Variants in CRTAC1 observed in about 807,000 individuals in gnomAD.
The protein encoded by CRTAC1 is cartilage acidic protein 1, also known as acidic secreted protein in cartilage.
Under a neutral mutation model 67.8 loss-of-function variants are expected in CRTAC1, and 37 were observed. The ratio of observed to expected loss-of-function variants is 0.55; its 90% CI spans 0.42 to 0.72. The LOEUF (loss-of-function observed/expected upper bound fraction) is 0.72. Ranked by LOEUF, CRTAC1 falls within the 30% of genes least tolerant of loss-of-function variation. The pLI is 0.00. For synonymous variants in CRTAC1, 348 were observed against 371.0 expected (o/e 0.94, Z 0.71); for missense variants, 780 against 931.6 (o/e 0.84, Z 2.12).
intron 2 of CRTAC1, among the ~76,000 whole-genome samples, chr10:97,987,530 G>A (rs1449913318): frequency 6.6e-6 from 1 of 152,248 alleles, no homozygotes; most frequent in African/African-American, 2.4e-5. Flanking sequence ...GGGCAACCAA[G>A]GAAGGGAAAG....
chr10:97,904,788 G>A lies in CRTAC1; in HGVS notation c.877C>T (p.Arg293Ter), dbSNP rs766902119. The A allele has an allele frequency of 5.6e-6, 9 of 1,602,416 alleles. No individual in the cohort carries two copies. The highest frequency in any genetic ancestry group is 1.1e-5 in the South Asian group (1 of 89,220). Residue 293 changes from arginine to a stop codon, truncating the protein, a stop_gained, in exon 7 of 15, where the codon CGA (arginine) becomes TGA (stop). Coordinates refer to ENST00000370597, the MANE Select transcript of CRTAC1 (RefSeq NM_018058.7). LOFTEE classifies it high-confidence loss of function. ...TTGAAGTCAGCCAGGGCGACACCTC[G>A]CCCATGCTGGTGGGGGTCGTCCACA... ...AGVDDPHQHGRGVALADFNRD... is the reference protein window; with the variant it reads ...AGVDDPHQHG
chr10:97,974,126 T>C (rs552843802), intron 2 of CRTAC1, among the ~76,000 whole-genome samples: 1 of 152,334 alleles, frequency 6.6e-6, no homozygotes, highest in South Asian at 2.1e-4. Flanking sequence ...TGCTGTGTTG[T>C]GTGCAGGAGA....
At chr10:97,882,669 C>T in intron 13 of CRTAC1, 117 bp downstream of exon 13, 1 of 1,045,112 alleles carries the variant, frequency 9.6e-7, no homozygotes, top group Non-Finnish European at 1.5e-6. Flanking sequence ...ACAACACCCT[C>T]CCCTGTCCTC....
chr10:97,924,573 C>T (rs1473096647), intron 3 of CRTAC1, among the ~76,000 whole-genome samples: 2 of 152,174 alleles, frequency 1.3e-5, no homozygotes, highest in South Asian at 2.1e-4. Context: ...CTTCTAGGCT[C>T]CAGACTCGAG....
intron 3 of CRTAC1, among the ~76,000 whole-genome samples, chr10:97,928,094 T>C (rs2050949236): frequency 6.6e-6 from 1 of 152,066 alleles, no homozygotes; most frequent in Non-Finnish European, 1.5e-5. Flanking sequence ...AGGAGAGCAT[T>C]TGGGGCAGGG....
intron 2 of CRTAC1, among the ~76,000 whole-genome samples, chr10:97,991,525 G>A (rs1842456710): frequency 6.6e-6 from 1 of 152,124 alleles, no homozygotes; most frequent in African/African-American, 2.4e-5. Context: ...TCTAAGACAA[G>A]GGTTGGTCCA....
chr10:98,002,660 C>T (rs1207472859), intron 2 of CRTAC1, among the ~76,000 whole-genome samples: 1 of 151,816 alleles, frequency 6.6e-6, no homozygotes, highest in Non-Finnish European at 1.5e-5. Flanking sequence ...CACCTCCAGC[C>T]ACTCATAGCA....
chr10:98,020,472 A>G (rs962661539), intron 1 of CRTAC1, among the ~76,000 whole-genome samples: 1 of 152,262 alleles, frequency 6.6e-6, no homozygotes, highest in Non-Finnish European at 1.5e-5. Context: ...CCAAGGTCAC[A>G]CAGCTAGTAC....
chr10:97,870,725 C>T (rs1216294841), intron 14 of CRTAC1: 1 of 145,170 alleles, frequency 6.9e-6, no homozygotes, highest in East Asian at 2.0e-4. Flanking sequence ...AACTGCAACT[C>T]TATGTTACGT....
At chr10:97,885,668 T>C (rs1465557847) in intron 11 of CRTAC1, among the ~76,000 whole-genome samples, 1 of 151,944 alleles carries the variant, frequency 6.6e-6, no homozygotes, top group Admixed American at 6.5e-5. Context: ...GGGCTGGGCC[T>C]CACCTTCCAG....
intron 3 of CRTAC1, among the ~76,000 whole-genome samples, chr10:97,931,405 G>A (rs756185449): frequency 3.9e-5 from 6 of 152,216 alleles, no homozygotes; most frequent in Non-Finnish European, 7.3e-5. Context: ...TTGGTAGCAC[G>A]TTTTGTGAGG....
At position 97,878,436 on chromosome 10, in the gene CRTAC1, G is replaced by C. The variant is rs189268682; in HGVS notation, c.1819+1813C>G. On this transcript the variant is annotated intron_variant, in intron 14 of 14. Coordinates refer to ENST00000370597, the MANE Select transcript of CRTAC1 (RefSeq NM_018058.7). The stretch of plus-strand genomic sequence containing the variant: ...TATTAGGAGTATTACCATGATATCA[G>C]AAAATGGCAGGGGCTTTTTTTTTGT... 333 of 321,628 alleles carry C rather than the reference G, an allele frequency of 1.0e-3. 3 individuals are homozygous for C. The highest frequency in any genetic ancestry group is 6.4e-3 in the African/African-American group (274 of 42,586). 19.9% of individuals were successfully genotyped at this position (321,628 alleles called of 1,614,324 possible). A position where few individuals can be genotyped will look rare whatever the true frequency, so the allele number is the denominator to read the frequency against.
At chr10:97,907,626 CCAT>C (rs1308211338) in intron 6 of CRTAC1, among the ~76,000 whole-genome samples, 1 of 152,032 alleles carries the variant, frequency 6.6e-6, no homozygotes, top group Non-Finnish European at 1.5e-5. Context: ...AGTAGGGGCT[CCAT>C]GAATGCTCAC....
At chr10:97,927,792 G>A (rs2050944153) in intron 3 of CRTAC1, among the ~76,000 whole-genome samples, 1 of 152,238 alleles carries the variant, frequency 6.6e-6, no homozygotes. Context: ...CAAACGCTCT[G>A]GCAGCTGCAA....
intron 11 of CRTAC1, among the ~76,000 whole-genome samples, chr10:97,888,348 G>A (rs912029823): frequency 1.3e-5 from 2 of 152,226 alleles, no homozygotes; most frequent in Non-Finnish European, 2.9e-5. Flanking sequence ...GCGGAGAAGG[G>A]AAGGAAGGAG....
At chr10:98,024,210 C>T (rs1334126273) in intron 1 of CRTAC1, among the ~76,000 whole-genome samples, 1 of 152,242 alleles carries the variant, frequency 6.6e-6, no homozygotes, top group East Asian at 1.9e-4. Context: ...TTCCCATGAC[C>T]TTGTCACTGT....
At chr10:97,923,153 T>C (rs1253119870) in intron 4 of CRTAC1, 111 bp downstream of exon 4, 2 of 1,246,036 alleles carry the variant, frequency 1.6e-6, no homozygotes, top group Non-Finnish European at 2.3e-6. Flanking sequence ...GCACCCAATC[T>C]ATCCAAGACA....
chr10:97,910,571 C>A (rs139729327), intron 5 of CRTAC1, among the ~76,000 whole-genome samples: 1 of 152,168 alleles, frequency 6.6e-6, no homozygotes, highest in Admixed American at 6.5e-5. Context: ...AAAAAATAAA[C>A]GAAAGCTCAA....
At position 97,865,394 on chromosome 10, in the gene CRTAC1, G is replaced by A. The variant is rs1048527653; in HGVS notation, c.*154C>T. 1.1e-6 allele frequency: 1 copy of A among 902,612 alleles called. No individual in the cohort carries two copies. The highest frequency in any genetic ancestry group is 1.6e-6 in the Non-Finnish European group (1 of 621,466). The allele number at this position is 902,612 out of a possible 1,614,324, so 55.9% of individuals were successfully genotyped here. On this transcript the variant is annotated 3_prime_UTR_variant, in exon 15 of 15. Coordinates refer to ENST00000370597, the MANE Select transcript of CRTAC1 (RefSeq NM_018058.7). ...CCCAGCACAGGGCCTGGCCTTACGAGTCTCCCTAATTGTTAGCTAAGTAAT... is the reference window on the plus strand; with the variant it reads ...CCCAGCACAGGGCCTGGCCTTACGAATCTCCCTAATTGTTAGCTAAGTAAT...
Sources: gnomAD v4.1 joint callset for allele counts (sites outside exome capture counted in the v4.1 genomes callset) on GRCh38, gnomAD v4.1.1 for gene constraint, MANE v1.5 for transcripts, NCBI Gene and HGNC (gene_info 2026-07-23, HGNC 2026-07-21) for gene names.